The following DCC variants were observed in gnomAD, a reference collection of about 807,000 sequenced individuals.
DCC encodes the protein netrin receptor DCC.
In DCC, 58 loss-of-function variants were observed where a neutral mutation model predicts 172.5. The ratio of observed to expected loss-of-function variants is 0.34; its 90% CI spans 0.27 to 0.42. The LOEUF (loss-of-function observed/expected upper bound fraction) is 0.42, where lower values mean the gene tolerates loss of function less well. Among genes scored for constraint, DCC ranks in the 10% least tolerant of loss-of-function variants. The probability of loss-of-function intolerance (pLI) is 1.00; values close to 1 mark genes in which losing one functional copy is unlikely to be tolerated. For missense variants in DCC, 1,740 were observed against 1,791.0 expected (o/e 0.97, Z 0.51); for synonymous variants, 709 against 644.5 (o/e 1.10, Z -1.52).
At chr18:53,284,744 C>A (rs2056916316) in intron 12 of DCC, among the ~76,000 whole-genome samples, 1 of 152,106 alleles carries the variant, frequency 6.6e-6, no homozygotes. Context: ...CAGAAGAAGA[C>A]AGGAAAATGC....
intron 12 of DCC, among the ~76,000 whole-genome samples, chr18:53,264,898 C>A (rs957413290): frequency 6.6e-6 from 1 of 152,112 alleles, no homozygotes; most frequent in South Asian, 2.1e-4. Context: ...TTGAGAAACA[C>A]TGTGTAATAT....
rs183099399 is a variant in DCC at position 53,133,328 on chromosome 18, T to C, written c.1262-24028T>C. Among the ~76,000 whole-genome samples, 27 of 152,292 alleles carry C rather than the reference T, an allele frequency of 1.8e-4. No homozygotes were observed. In the East Asian group the frequency reaches 4.3e-3, roughly 24 times the overall value. Reference sequence around the variant, plus strand: ...TTAAATGTAGTACAAATGCTGTAAGTTTGCAATATCCCTCAGAGATTTTAA... The same window carrying C: ...TTAAATGTAGTACAAATGCTGTAAGCTTGCAATATCCCTCAGAGATTTTAA... On this transcript the variant is annotated intron_variant, in intron 7 of 28. Coordinates refer to ENST00000442544, the MANE Select transcript of DCC (RefSeq NM_005215.4).
Position 53,344,614 on chromosome 18 carries a change from G to C in DCC, c.2359+4707G>C, listed in dbSNP as rs148244674. 4.6e-5 allele frequency among the ~76,000 whole-genome samples: 7 copies of C among 151,220 alleles called. No individual in the cohort carries two copies. The East Asian group carries it at 1.2e-3, about 25-fold the overall frequency. The stretch of plus-strand genomic sequence containing the variant: ...GCGCCATCGTGCCTGGCTAATTTTT[G>C]TATTTTTAGTGGAGACGGGGTTGCA... On this transcript the variant is annotated intron_variant, in intron 15 of 28. Transcript: ENST00000442544.
chr18:52,740,012 T>C (rs917663959), intron 1 of DCC, among the ~76,000 whole-genome samples: 2 of 152,166 alleles, frequency 1.3e-5, no homozygotes, highest in African/African-American at 4.8e-5. Context: ...AACGCCTGCA[T>C]GCAGTAAGCC....
intron 1 of DCC, among the ~76,000 whole-genome samples, chr18:52,420,386 AC>A (rs1378187277): frequency 6.6e-6 from 1 of 152,156 alleles, no homozygotes; most frequent in Non-Finnish European, 1.5e-5. Flanking sequence ...TCTTGATCTA[AC>A]CAGTTGAGGA....
At chr18:53,057,079 T>TAAAA (rs11316527) in intron 5 of DCC, among the ~76,000 whole-genome samples, 494 of 89,138 alleles carry the variant, frequency 5.5e-3, no homozygotes, top group East Asian at 0.012. Flanking sequence ...CTTCTAAAAG[T>TAAAA]AAAAAAAAAA....
intron 1 of DCC, among the ~76,000 whole-genome samples, chr18:52,413,940 C>A (rs990252592): frequency 1.8e-4 from 28 of 152,186 alleles, no homozygotes; most frequent in African/African-American, 6.3e-4. Flanking sequence ...AATGATTTGT[C>A]ATTACGTACA....
intron 1 of DCC, among the ~76,000 whole-genome samples, chr18:52,423,110 A>C (rs967538761): frequency 6.6e-6 from 1 of 152,164 alleles, no homozygotes; most frequent in Non-Finnish European, 1.5e-5. Context: ...GCATAAGTGT[A>C]TGGTACTTAC....
chr18:52,700,258 A>G (rs553590360), intron 1 of DCC, among the ~76,000 whole-genome samples: 5 of 147,514 alleles, frequency 3.4e-5, no homozygotes, highest in Non-Finnish European at 7.5e-5. Context: ...ACACACGCAC[A>G]TCCACACTCT....
At chr18:52,979,340 A>G (rs1245909255) in intron 5 of DCC, among the ~76,000 whole-genome samples, 1 of 152,178 alleles carries the variant, frequency 6.6e-6, no homozygotes, top group Non-Finnish European at 1.5e-5. Flanking sequence ...AACAGCATTT[A>G]GGAGTCAGAA....
At chr18:53,408,175 C>G (rs1414878655) in intron 19 of DCC, among the ~76,000 whole-genome samples, 1 of 151,646 alleles carries the variant, frequency 6.6e-6, no homozygotes, top group Non-Finnish European at 1.5e-5. Flanking sequence ...TACCCTTGAC[C>G]TGTAGTATTA....
intron 8 of DCC, among the ~76,000 whole-genome samples, chr18:53,158,604 G>C (rs982335469): frequency 2.0e-5 from 3 of 152,004 alleles, no homozygotes; most frequent in African/African-American, 7.3e-5. Flanking sequence ...CACCTGCTGG[G>C]TCTCAAAATG....
intron 5 of DCC, among the ~76,000 whole-genome samples, chr18:53,010,940 A>T (rs981338909): frequency 1.3e-5 from 2 of 151,346 alleles, no homozygotes; most frequent in African/African-American, 4.8e-5. Flanking sequence ...AGGGTATAAG[A>T]ACATAAAGTG....
intron 9 of DCC, 87 bp from the exon 10 acceptor site, chr18:53,205,129 G>A (rs983680246): frequency 3.9e-6 from 4 of 1,033,988 alleles, no homozygotes; most frequent in Non-Finnish European, 6.1e-6. Context: ...TTATTGAACT[G>A]TAAAAATGTA....
intron 5 of DCC, among the ~76,000 whole-genome samples, chr18:53,024,547 G>A (rs746559775): frequency 6.6e-6 from 1 of 152,108 alleles, no homozygotes; most frequent in Non-Finnish European, 1.5e-5. Context: ...AAGAACAGAG[G>A]TTTCATCCAC....
rs2035645782 is a variant in DCC, at chr18:52,676,300, A to ATTAAC, written c.92-75752_92-75751insAACTT. Reference sequence around the variant, plus strand: ...TAGGGTTTTGAGAGAATTAACTTGAATTGAATGAAGTACTCGGGAAGGCAT... The same window carrying ATTAAC: ...TAGGGTTTTGAGAGAATTAACTTGAATTAACTTGAATGAAGTACTCGGGAAGGCAT... On this transcript the variant is annotated intron_variant, in intron 1 of 28. Coordinates refer to ENST00000442544, the MANE Select transcript of DCC (RefSeq NM_005215.4). 2.0e-5 allele frequency among the ~76,000 whole-genome samples: 3 copies of ATTAAC among 152,316 alleles called. No individual in the cohort carries two copies. The South Asian group carries it at 6.2e-4, about 32-fold the overall frequency.
chr18:53,523,485 A>G (rs1323528011), intron 27 of DCC, among the ~76,000 whole-genome samples: 1 of 152,188 alleles, frequency 6.6e-6, no homozygotes, highest in Non-Finnish European at 1.5e-5. Flanking sequence ...ACTATTCACA[A>G]TAGCAAAGAC....
intron 1 of DCC, among the ~76,000 whole-genome samples, chr18:52,641,494 A>C (rs907816186): frequency 6.6e-6 from 1 of 152,170 alleles, no homozygotes; most frequent in Non-Finnish European, 1.5e-5. Context: ...CAGAATCTAC[A>C]ATGAACTCAA....
At chr18:52,772,294 T>C (rs2037357920) in intron 2 of DCC, among the ~76,000 whole-genome samples, 1 of 152,198 alleles carries the variant, frequency 6.6e-6, no homozygotes, top group African/African-American at 2.4e-5. Flanking sequence ...CAGTAAACCA[T>C]GGATATCAAG....
Sources: allele counts gnomAD v4.1 joint callset (sites outside exome capture counted in the v4.1 genomes callset), GRCh38; gene constraint gnomAD v4.1.1; transcripts MANE v1.5; gene names NCBI Gene and HGNC (gene_info 2026-07-23, HGNC 2026-07-21).